Variants in PDE4D observed in about 807,000 individuals in gnomAD.
The protein encoded by PDE4D is 3',5'-cyclic-AMP phosphodiesterase 4D.
PDE4D carries 24 observed loss-of-function variants against 87.4 expected under a neutral mutation model. That is an observed-to-expected ratio of 0.27 (90% confidence interval 0.20 to 0.39). The LOEUF (loss-of-function observed/expected upper bound fraction) is 0.39. Ranked by LOEUF, PDE4D falls within the 10% of genes least tolerant of loss-of-function variation. PDE4D has a pLI of 1.00. For missense variants in PDE4D, 714 were observed against 1,041.0 expected, an observed-to-expected ratio of 0.69 and a Z score of 4.32; for synonymous variants, 384 against 383.2, an observed-to-expected ratio of 1.00 and a Z score of -0.02.
intron 1 of PDE4D, among the ~76,000 whole-genome samples, chr5:59,717,855 C>T (rs967609595): frequency 6.6e-6 from 1 of 152,212 alleles, no homozygotes; most frequent in Non-Finnish European, 1.5e-5. Context: ...TCCAACAACC[C>T]TACTTTTATA....
chr5:59,244,622 A>G (rs1758403914), intron 1 of PDE4D, among the ~76,000 whole-genome samples: 1 of 149,172 alleles, frequency 6.7e-6, no homozygotes, highest in South Asian at 2.1e-4. Context: ...ACATACATGT[A>G]TGTACATTTA....
chr5:59,124,264 T>C (rs1775039647), intron 5 of PDE4D, among the ~76,000 whole-genome samples: 1 of 152,076 alleles, frequency 6.6e-6, no homozygotes, highest in Admixed American at 6.6e-5. Context: ...GACCAAGGAG[T>C]AGAAAGGAGC....
chr5:58,999,812 T>C (rs1262547859), intron 6 of PDE4D: 2 of 997,358 alleles, frequency 2.0e-6, no homozygotes, highest in African/African-American at 1.7e-5. Context: ...TAAAGGAATA[T>C]CTAAAGATCT....
At chr5:59,760,361 G>A (rs993014031) in intron 1 of PDE4D, among the ~76,000 whole-genome samples, 2 of 152,096 alleles carry the variant, frequency 1.3e-5, no homozygotes, top group African/African-American at 4.8e-5. Context: ...AAATTATTTT[G>A]TTGTTAAGAT....
intron 1 of PDE4D, among the ~76,000 whole-genome samples, chr5:59,228,018 T>C (rs1754215140): frequency 6.6e-6 from 1 of 152,156 alleles, no homozygotes; most frequent in Non-Finnish European, 1.5e-5. Context: ...CCATGAATGA[T>C]AGATTGGATA....
intron 2 of PDE4D, among the ~76,000 whole-genome samples, chr5:60,145,940 G>A (rs1178299114): frequency 6.6e-6 from 1 of 152,196 alleles, no homozygotes; most frequent in African/African-American, 2.4e-5. Context: ...GAGTCTGGGT[G>A]TGGTGGCGCA....
At chr5:59,280,930 G>A (rs141671091) in intron 1 of PDE4D, among the ~76,000 whole-genome samples, 54 of 152,176 alleles carry the variant, frequency 3.5e-4, no homozygotes, top group African/African-American at 1.3e-3. Flanking sequence ...GTGTGGGTAG[G>A]AGAAGGACGC....
intron 11 of PDE4D, among the ~76,000 whole-genome samples, chr5:58,978,925 G>C (rs996902254): frequency 1.5e-4 from 23 of 152,076 alleles, no homozygotes; most frequent in Admixed American, 7.2e-4. Context: ...TATTTCTACA[G>C]TGGAATCAAA....
In PDE4D at chr5:59,164,876, A is replaced by G. The variant is rs2153468261; in HGVS notation, c.808+15719T>C. ...GGGCTGAGATGACAGATTTAGAGAC[A>G]GAGGCCAGGACTTCCTACAGGGGCC... On this transcript the variant is annotated intron_variant, in intron 5 of 14. Transcript: ENST00000340635. 3 of 152,292 alleles carry G rather than the reference A, an allele frequency of 2.0e-5. No individual in the cohort carries two copies. The East Asian group carries it at 5.8e-4, about 30-fold the overall frequency. The allele number at this position is 152,292 out of a possible 1,614,324, so 9.4% of individuals were successfully genotyped here. A position where few individuals can be genotyped will look rare whatever the true frequency, so the allele number is the denominator to read the frequency against.
chr5:59,467,583 A>T (rs1801768434), intron 1 of PDE4D, among the ~76,000 whole-genome samples: 1 of 152,236 alleles, frequency 6.6e-6, no homozygotes, highest in Non-Finnish European at 1.5e-5. Flanking sequence ...TCTTGTTACT[A>T]AAAGGGCTAT....
intron 1 of PDE4D, among the ~76,000 whole-genome samples, chr5:59,256,957 G>A (rs987398456): frequency 1.6e-4 from 25 of 151,976 alleles, no homozygotes; most frequent in African/African-American, 6.0e-4. Context: ...ACTGTCAAGT[G>A]CAAAATACAA....
At chr5:60,314,674 T>C (rs1016366056) in intron 1 of PDE4D, among the ~76,000 whole-genome samples, 2 of 152,032 alleles carry the variant, frequency 1.3e-5, no homozygotes, top group Admixed American at 6.5e-5. Flanking sequence ...GTGTGATGTT[T>C]CCCTTCCTGT....
intron 2 of PDE4D, among the ~76,000 whole-genome samples, chr5:60,134,796 T>C (rs1277144475): frequency 1.3e-5 from 2 of 152,158 alleles, no homozygotes; most frequent in Non-Finnish European, 2.9e-5. Context: ...CAGTGCAAAC[T>C]TTTCTCTTAA....
intron 2 of PDE4D, among the ~76,000 whole-genome samples, chr5:59,207,515 C>T (rs1255467856): frequency 6.6e-6 from 1 of 152,028 alleles, no homozygotes; most frequent in Non-Finnish European, 1.5e-5. Flanking sequence ...TCAAACTTTC[C>T]TTATTTTAGT....
At chr5:59,613,767 T>C (rs1364683110) in intron 1 of PDE4D, among the ~76,000 whole-genome samples, 2 of 152,144 alleles carry the variant, frequency 1.3e-5, no homozygotes, top group Non-Finnish European at 2.9e-5. Flanking sequence ...TAACATTAAA[T>C]TTAATTTGCA....
chr5:59,103,152 T>C (rs1771044011), intron 5 of PDE4D, among the ~76,000 whole-genome samples: 1 of 152,170 alleles, frequency 6.6e-6, no homozygotes, highest in South Asian at 2.1e-4. Context: ...TGCTCTTGCA[T>C]AAAGTTCATG....
intron 1 of PDE4D, among the ~76,000 whole-genome samples, chr5:59,612,237 T>TTTTTG (rs113105324): frequency 0.023 from 3,479 of 150,480 alleles, 97 homozygotes; most frequent in African/African-American, 0.062. Flanking sequence ...ACACTGTTTT[T>TTTTTG]TTTGTTTGTT....
At chr5:60,378,862 AAAG>A (rs1761636200) in intron 1 of PDE4D, among the ~76,000 whole-genome samples, 1 of 152,070 alleles carries the variant, frequency 6.6e-6, no homozygotes, top group African/African-American at 2.4e-5. Flanking sequence ...CAAAAACTAA[AAAG>A]AAAAAGAAAG....
At chr5:59,368,341 TAC>T (rs1452290038) in intron 1 of PDE4D, among the ~76,000 whole-genome samples, 2 of 152,188 alleles carry the variant, frequency 1.3e-5, no homozygotes, top group African/African-American at 4.8e-5. Context: ...AATTGGGGAC[TAC>T]ATTAAAAATC....
Sources: allele counts gnomAD v4.1 joint callset (sites outside exome capture counted in the v4.1 genomes callset), GRCh38; gene constraint gnomAD v4.1.1; transcripts MANE v1.5; gene names NCBI Gene and HGNC (gene_info 2026-07-23, HGNC 2026-07-21).